The following PTAR1 variants were observed in gnomAD, a reference collection of about 807,000 sequenced individuals.
The protein encoded by PTAR1 is protein prenyltransferase alpha subunit repeat containing 1.
In PTAR1, 17 loss-of-function variants were observed where a neutral mutation model predicts 45.5. The observed-to-expected ratio is 0.37, with a 90% CI of 0.26 to 0.56. The LOEUF is 0.56. PTAR1 is among the 20% of genes least tolerant of loss of function. The pLI is 0.77. For synonymous variants in PTAR1, 169 were observed against 171.3 expected, an observed-to-expected ratio of 0.99 and a Z score of 0.11; for missense variants, 391 against 476.3, an observed-to-expected ratio of 0.82 and a Z score of 1.67.
At chr9:69,748,233 A>G (rs578036109) in intron 2 of PTAR1, among the ~76,000 whole-genome samples, 63 of 152,204 alleles carry the variant, frequency 4.1e-4, no homozygotes, top group African/African-American at 1.5e-3. Context: ...GAGGAGCAAG[A>G]AAAGATGGCA....
chr9:69,742,772 A>T (rs1826097447), intron 2 of PTAR1, among the ~76,000 whole-genome samples: 1 of 152,088 alleles, frequency 6.6e-6, no homozygotes, highest in Non-Finnish European at 1.5e-5. Context: ...AAAAATTACA[A>T]TTCATTTGTT....
At chr9:69,723,289 C>G in intron 6 of PTAR1, 37 bp downstream of exon 6, 1 of 1,554,648 alleles carries the variant, frequency 6.4e-7, no homozygotes, top group South Asian at 1.1e-5. Context: ...TGAAGACATG[C>G]AGTTTTGTGT....
In PTAR1 at chr9:69,717,176, G is replaced by C. The variant is rs368101722; in HGVS notation, c.*1166C>G. ...CTATTCCTTCCCTTGGCATTTGCCAGTAAACTTTAACAGTCACTTCATGAT... is the reference window on the plus strand; with the variant it reads ...CTATTCCTTCCCTTGGCATTTGCCACTAAACTTTAACAGTCACTTCATGAT... On this transcript the variant is annotated 3_prime_UTR_variant, in exon 8 of 8. Coordinates refer to ENST00000340434, the MANE Select transcript of PTAR1 (RefSeq NM_001099666.2). 164 of 152,232 alleles carry C rather than the reference G, an allele frequency of 1.1e-3. 1 individual carries two copies. Among genetic ancestry groups the C allele is most frequent in the African/African-American group, 3.6e-3 (149 of 41,546 alleles). 9.4% of individuals were successfully genotyped at this position (152,232 alleles called of 1,614,324 possible). A position where few individuals can be genotyped will look rare whatever the true frequency, so the allele number is the denominator to read the frequency against.
At chr9:69,753,763 A>G (rs540315059) in intron 1 of PTAR1, among the ~76,000 whole-genome samples, 2 of 152,330 alleles carry the variant, frequency 1.3e-5, no homozygotes, top group East Asian at 3.9e-4. Flanking sequence ...TGTAAAGACA[A>G]AAGTACTTGA....
intron 1 of PTAR1, among the ~76,000 whole-genome samples, chr9:69,753,722 A>G (rs1826636301): frequency 6.6e-6 from 1 of 152,206 alleles, no homozygotes; most frequent in South Asian, 2.1e-4. Flanking sequence ...GTAGAGCACT[A>G]GGGGGAAAAA....
Position 69,712,054 on chromosome 9 carries a change from T to C in PTAR1, c.*6288A>G, listed in dbSNP as rs963838968. 6.6e-6 allele frequency: 1 copy of C among 152,138 alleles called. No individual in the cohort carries two copies. Among genetic ancestry groups the C allele is most frequent in the African/African-American group, 2.4e-5 (1 of 41,452 alleles). The allele number at this position is 152,138 out of a possible 1,614,324, so 9.4% of individuals were successfully genotyped here. On this transcript the variant is annotated 3_prime_UTR_variant, in exon 8 of 8. Coordinates refer to ENST00000340434, the MANE Select transcript of PTAR1 (RefSeq NM_001099666.2). ...GTAAGGGAGGATAATTTATCAACTT[T>C]TTCTAATAGAATGCTCCTTGAATCA... is the stretch of plus-strand genomic sequence containing the variant.
Position 69,711,610 on chromosome 9 carries a change from C to T in PTAR1, c.*6732G>A, listed in dbSNP as rs576283676. ...CCTAAACCCGATAGTACTGGATATA[C>T]CAATACAGAGACTGATTGCAGAAGA... On this transcript the variant is annotated 3_prime_UTR_variant, in exon 8 of 8. Coordinates refer to ENST00000340434, the MANE Select transcript of PTAR1 (RefSeq NM_001099666.2). The T allele has an allele frequency of 6.6e-6, 1 of 152,158 alleles. No homozygotes were observed. The highest frequency in any genetic ancestry group is 2.4e-5 in the African/African-American group (1 of 41,444). The allele number at this position is 152,158 out of a possible 1,614,324, so 9.4% of individuals were successfully genotyped here. A position where few individuals can be genotyped will look rare whatever the true frequency, so the allele number is the denominator to read the frequency against.
At chr9:69,745,565 T>C (rs1196279596) in intron 2 of PTAR1, among the ~76,000 whole-genome samples, 1 of 152,156 alleles carries the variant, frequency 6.6e-6, no homozygotes, top group Non-Finnish European at 1.5e-5. Flanking sequence ...AGTACTTAAG[T>C]CCCCGCTTTT....
At chr9:69,726,262 T>C (rs1825273386) in intron 5 of PTAR1, among the ~76,000 whole-genome samples, 1 of 152,122 alleles carries the variant, frequency 6.6e-6, no homozygotes, top group African/African-American at 2.4e-5. Flanking sequence ...ATGCACAGAG[T>C]TTATTTTTAA....
intron 3 of PTAR1, among the ~76,000 whole-genome samples, chr9:69,738,173 TATA>T (rs1825877754): frequency 6.6e-6 from 1 of 152,198 alleles, no homozygotes; most frequent in Admixed American, 6.5e-5. Flanking sequence ...AGGTATTTTG[TATA>T]ATGTTTTTCT....
chr9:69,744,507 T>A (rs1826184217), intron 2 of PTAR1, among the ~76,000 whole-genome samples: 1 of 151,736 alleles, frequency 6.6e-6, no homozygotes, highest in Non-Finnish European at 1.5e-5. Context: ...TGCCTCAGCC[T>A]CCCCAGTAGC....
At chr9:69,739,335 A>G (rs1233214399) in intron 3 of PTAR1, among the ~76,000 whole-genome samples, 1 of 152,134 alleles carries the variant, frequency 6.6e-6, no homozygotes, top group Non-Finnish European at 1.5e-5. Flanking sequence ...ACTGATGAAG[A>G]AAATAGGACA....
At chr9:69,732,494 G>T in intron 4 of PTAR1, 142 bp from the exon 5 acceptor site, 1 of 635,522 alleles carries the variant, frequency 1.6e-6, no homozygotes, top group Non-Finnish European at 2.7e-6. Flanking sequence ...GTATTTTGGA[G>T]ATGGGGAGGG....
At chr9:69,734,087 ATG>A in intron 4 of PTAR1, 61 bp downstream of exon 4, 1 of 940,592 alleles carries the variant, frequency 1.1e-6, no homozygotes, top group Non-Finnish European at 1.7e-6. Flanking sequence ...CTCACATGTC[ATG>A]TTTCTTTCTC....
chr9:69,716,053 TA>T lies in PTAR1; in HGVS notation c.*2288del, dbSNP rs1230611355. On this transcript the variant is annotated 3_prime_UTR_variant, in exon 8 of 8. Coordinates refer to ENST00000340434, the MANE Select transcript of PTAR1 (RefSeq NM_001099666.2). ...AGGTACACAAAGGCATGGAGCACTA[TA>T]AAACTTAGCTAGTGTTTTATAGGGT... is the stretch of plus-strand genomic sequence containing the variant. The T allele has an allele frequency of 2.0e-5, 3 of 152,160 alleles. No individual in the cohort carries two copies. 9.4% of individuals were successfully genotyped at this position (152,160 alleles called of 1,614,324 possible). A position where few individuals can be genotyped will look rare whatever the true frequency, so the allele number is the denominator to read the frequency against.
At chr9:69,730,362 T>C (rs1232766028) in intron 5 of PTAR1, among the ~76,000 whole-genome samples, 3 of 151,954 alleles carry the variant, frequency 2.0e-5, no homozygotes, top group Non-Finnish European at 4.4e-5. Context: ...TGGCCCCTTG[T>C]TCCTGATTTT....
intron 1 of PTAR1, chr9:69,758,679 C>A: frequency 9.7e-6 from 4 of 413,592 alleles, no homozygotes; most frequent in Admixed American, 2.4e-5. Flanking sequence ...CATCCAACGG[C>A]TTCTTAACTG....
At chr9:69,750,084 C>A (rs1474465842) in intron 2 of PTAR1, among the ~76,000 whole-genome samples, 1 of 151,302 alleles carries the variant, frequency 6.6e-6, no homozygotes, top group East Asian at 1.9e-4. Flanking sequence ...GGTGGGCATA[C>A]AATGATAAAC....
chr9:69,751,645 C>G (rs1367411151), intron 1 of PTAR1, among the ~76,000 whole-genome samples: 2 of 151,750 alleles, frequency 1.3e-5, no homozygotes, highest in Non-Finnish European at 2.9e-5. Context: ...TTAATGTCAA[C>G]AAATGTGTTT....
Sources: gnomAD v4.1 joint callset for allele counts (sites outside exome capture counted in the v4.1 genomes callset) on GRCh38, gnomAD v4.1.1 for gene constraint, MANE v1.5 for transcripts, NCBI Gene and HGNC (gene_info 2026-07-23, HGNC 2026-07-21) for gene names.